The following RAD51C variants were observed in gnomAD, a reference collection of about 807,000 sequenced individuals.
RAD51C encodes the protein RAD51 paralog C.
A neutral mutation model predicts 45.0 loss-of-function variants in RAD51C; 42 were observed. That is an observed-to-expected ratio of 0.93 (90% CI 0.73 to 1.21). The LOEUF (loss-of-function observed/expected upper bound fraction) is 1.21, where lower values mean the gene tolerates loss of function less well. Ranked by LOEUF, RAD51C falls within the 50% of genes most tolerant of loss-of-function variation. The pLI, the probability that RAD51C is intolerant of heterozygous loss-of-function variation, is 0.00. For synonymous variants in RAD51C, 172 were observed against 159.8 expected, an observed-to-expected ratio of 1.08 and a Z score of -0.58; for missense variants, 474 against 452.2, an observed-to-expected ratio of 1.05 and a Z score of -0.44.
intron 5 of RAD51C, among the ~76,000 whole-genome samples, chr17:58,714,196 G>A (rs1471116957): frequency 2.6e-5 from 4 of 151,990 alleles, no homozygotes; most frequent in Non-Finnish European, 4.4e-5. Flanking sequence ...TGTTGGCCAG[G>A]CTGGTCTCAA....
chr17:58,711,764 GC>G (rs1402909557), intron 5 of RAD51C, among the ~76,000 whole-genome samples: 2 of 152,012 alleles, frequency 1.3e-5, no homozygotes, highest in Admixed American at 1.3e-4. Flanking sequence ...AAGCCACTGT[GC>G]CCAGACTTGG....
Position 58,696,709 on chromosome 17 carries a change from G to A in RAD51C, c.421G>A (p.Asp141Asn), listed in dbSNP as rs587780837. ...TGTTGACAGTATGCAGTTGGCAGTAGATGTGCAGATACCAGAATGTTTTGG... is the reference window on the plus strand; with the variant it reads ...TGTTGACAGTATGCAGTTGGCAGTAAATGTGCAGATACCAGAATGTTTTGG... The part of the protein sequence containing the change: ...KTQLCMQLAV[D>N]VQIPECFGGV... The change falls in exon 3 of 9, where the codon GAT becomes AAT. Residue 141 changes from aspartate to asparagine, a missense_variant. By Grantham distance (23) the Asp-to-Asn change is conservative (BLOSUM62 1). Transcript: ENST00000337432. The A allele has an allele frequency of 6.2e-7, 1 of 1,614,198 alleles. No individual in the cohort carries two copies. The highest frequency in any genetic ancestry group is 8.5e-7 in the Non-Finnish European group (1 of 1,180,044).
chr17:58,710,736 G>C (rs2048531075), intron 5 of RAD51C, among the ~76,000 whole-genome samples: 1 of 152,196 alleles, frequency 6.6e-6, no homozygotes, highest in Non-Finnish European at 1.5e-5. Context: ...AATAACTCTT[G>C]AAGATTTGAA....
Position 58,693,034 on chromosome 17 carries a change from A to T in RAD51C, c.145+246A>T, listed in dbSNP as rs147027488. ...GCAATGCCTGCTGAATGCTTTGAGG[A>T]TTGTCTCATTTAACCCTCAACCCGC... On this transcript the variant is annotated intron_variant, in intron 1 of 8. Coordinates refer to ENST00000337432, the MANE Select transcript of RAD51C (RefSeq NM_058216.3). The T allele has an allele frequency of 1.3e-3, 692 of 538,492 alleles. 1 individual carries two copies. Among genetic ancestry groups the T allele is most frequent in the African/African-American group, 0.012 (623 of 52,660 alleles). The allele number at this position is 538,492 out of a possible 1,614,324, so 33.4% of individuals were successfully genotyped here. A position where few individuals can be genotyped will look rare whatever the true frequency, so the allele number is the denominator to read the frequency against.
At chr17:58,708,759 A>G (rs2048455887) in intron 4 of RAD51C, among the ~76,000 whole-genome samples, 1 of 151,446 alleles carries the variant, frequency 6.6e-6, no homozygotes, top group Non-Finnish European at 1.5e-5. Flanking sequence ...AGTGCATGGC[A>G]GGGTTTCACC....
rs28363333 is a variant in RAD51C at position 58,733,026 on chromosome 17, C to G, written c.1026+482C>G. Among the ~76,000 whole-genome samples the G allele has an allele frequency of 9.1e-3, 1,374 of 151,370 alleles. 25 individuals are homozygous for G. Among genetic ancestry groups the G allele is most frequent in the African/African-American group, 0.031 (1,270 of 41,286 alleles). ...TGAGCCAAATATATTTTTGGCATCTCTTTTTTTTTGAGATGGAGTCTCTGC... is the reference window on the plus strand; with the variant it reads ...TGAGCCAAATATATTTTTGGCATCTGTTTTTTTTTGAGATGGAGTCTCTGC... On this transcript the variant is annotated intron_variant, in intron 8 of 8. Coordinates refer to ENST00000337432, the MANE Select transcript of RAD51C (RefSeq NM_058216.3).
At chr17:58,725,210 C>G (rs1226506824) in intron 7 of RAD51C, among the ~76,000 whole-genome samples, 2 of 152,006 alleles carry the variant, frequency 1.3e-5, no homozygotes, top group African/African-American at 4.8e-5. Flanking sequence ...CTGGTAAATC[C>G]TCCCCCTAAT....
intron 4 of RAD51C, among the ~76,000 whole-genome samples, chr17:58,705,347 G>C (rs1050490786): frequency 9.3e-5 from 14 of 150,934 alleles, no homozygotes; most frequent in African/African-American, 2.9e-4. Flanking sequence ...TTTTTTTTGG[G>C]GGGGGGGTGG....
intron 7 of RAD51C, among the ~76,000 whole-genome samples, chr17:58,729,063 A>G (rs975197233): frequency 3.3e-5 from 5 of 152,054 alleles, no homozygotes; most frequent in Non-Finnish European, 2.9e-5. Flanking sequence ...CCTGACCCAA[A>G]CTATGTAGTT....
chr17:58,727,509 A>G (rs983060107), intron 7 of RAD51C, among the ~76,000 whole-genome samples: 3 of 152,150 alleles, frequency 2.0e-5, no homozygotes, highest in South Asian at 2.1e-4. Flanking sequence ...ATTGCCAGCC[A>G]ATCTGAATAT....
chr17:58,711,326 T>C (rs952304696), intron 5 of RAD51C, among the ~76,000 whole-genome samples: 10 of 152,314 alleles, frequency 6.6e-5, no homozygotes, highest in South Asian at 2.1e-4. Context: ...TATATACATA[T>C]ATGTTATTGA....
At chr17:58,711,306 T>C (rs1027082327) in intron 5 of RAD51C, among the ~76,000 whole-genome samples, 20 of 152,118 alleles carry the variant, frequency 1.3e-4, no homozygotes, top group African/African-American at 4.8e-4. Flanking sequence ...CGTCCTAACA[T>C]GGAAGAAGAT....
chr17:58,699,097 G>A (rs1046817816), intron 3 of RAD51C, among the ~76,000 whole-genome samples: 1 of 151,504 alleles, frequency 6.6e-6, no homozygotes, highest in African/African-American at 2.4e-5. Context: ...ACCTCTGCCT[G>A]CTGGGTTCAA....
chr17:58,726,385 A>G (rs2049125250), intron 7 of RAD51C, among the ~76,000 whole-genome samples: 1 of 150,016 alleles, frequency 6.7e-6, no homozygotes, highest in African/African-American at 2.5e-5. Flanking sequence ...GTACATATAT[A>G]CGTGTATGTA....
chr17:58,716,832 G>A (rs1171329853), intron 5 of RAD51C, among the ~76,000 whole-genome samples: 1 of 148,518 alleles, frequency 6.7e-6, no homozygotes, highest in South Asian at 2.1e-4. Context: ...GTGCAGTGGC[G>A]CGATCTTGGC....
At chr17:58,695,342 G>A in intron 2 of RAD51C, 153 bp downstream of exon 2, 2 of 1,399,024 alleles carry the variant, frequency 1.4e-6, no homozygotes. Context: ...TACTATTTGT[G>A]TTACTTCATT....
chr17:58,734,242 G>C lies in RAD51C; in HGVS notation c.*20G>C, dbSNP rs2144063781. The C allele has an allele frequency of 6.2e-7, 1 of 1,602,456 alleles. No individual in the cohort carries two copies. Among genetic ancestry groups the C allele is most frequent in the Non-Finnish European group, 8.5e-7 (1 of 1,172,654 alleles). ...TTATAACCCAGAAACAAATCTCAAA[G>C]TGTACAAATTTATTGATGTTGTGAA... On this transcript the variant is annotated 3_prime_UTR_variant, in exon 9 of 9. Coordinates refer to ENST00000337432, the MANE Select transcript of RAD51C (RefSeq NM_058216.3).
rs1321358603 is a variant in RAD51C, at chr17:58,703,277, A to G, written c.653A>G (p.Glu218Gly). ...TATTTTCGCTGTCGTGACTACACAG[A>G]GTTACTGGCACAAGTTTATCTTCTT... ...IYYFRCRDYT[E>G]LLAQVYLLPD... The change falls in exon 4 of 9, where the codon GAG becomes GGG. Residue 218 changes from glutamate (E) to glycine (G), a missense_variant. Coordinates refer to ENST00000337432, the MANE Select transcript of RAD51C (RefSeq NM_058216.3). 3 of 1,609,868 alleles carry G rather than the reference A, an allele frequency of 1.9e-6. No homozygotes were observed. The highest frequency in any genetic ancestry group is 2.5e-6 in the Non-Finnish European group (3 of 1,176,476).
rs67254535 is a variant in RAD51C, at chr17:58,703,933, CTTTT to C, written c.705+628_705+631del. ...GAGCTACCGTGCCATCATGTATCAC[CTTTT>C]TTTTTTTTTTTTTTTTTTTTTTTGG... On this transcript the variant is annotated intron_variant, in intron 4 of 8. Transcript: ENST00000337432. Among the ~76,000 whole-genome samples the C allele has an allele frequency of 1.4e-3, 95 of 66,526 alleles. 1 individual carries two copies. Among genetic ancestry groups the C allele is most frequent in the Non-Finnish European group, 2.8e-3 (92 of 32,594 alleles). The allele number at this position is 66,526 out of a possible 152,430, so 43.6% of individuals were successfully genotyped here.
Sources: allele counts gnomAD v4.1 joint callset (sites outside exome capture counted in the v4.1 genomes callset), GRCh38; gene constraint gnomAD v4.1.1; transcripts MANE v1.5; gene names NCBI Gene and HGNC (gene_info 2026-07-23, HGNC 2026-07-21).